The following ITFG1 variants were observed in gnomAD, a reference collection of about 807,000 sequenced individuals.
The protein encoded by ITFG1 is T-cell immunomodulatory protein.
Under a neutral mutation model 81.8 loss-of-function variants are expected in ITFG1, and 34 were observed. That is an observed-to-expected ratio of 0.42 (90% CI 0.32 to 0.55). The LOEUF (loss-of-function observed/expected upper bound fraction) is 0.55, where lower values mean the gene tolerates loss of function less well. Among genes scored for constraint, ITFG1 ranks in the 20% least tolerant of loss-of-function variants. ITFG1 has a pLI of 0.17. For synonymous variants in ITFG1, 285 were observed against 270.6 expected, an observed-to-expected ratio of 1.05 and a Z score of -0.52; for missense variants, 672 against 755.4, an observed-to-expected ratio of 0.89 and a Z score of 1.29.
At chr16:47,331,061 T>C (rs1377744034) in intron 8 of ITFG1, among the ~76,000 whole-genome samples, 3 of 152,020 alleles carry the variant, frequency 2.0e-5, no homozygotes, top group Admixed American at 2.0e-4. Context: ...AGCAAAGACA[T>C]GGAAACAATC....
chr16:47,163,091 C>T (rs1388576223), intron 14 of ITFG1, among the ~76,000 whole-genome samples: 2 of 151,750 alleles, frequency 1.3e-5, no homozygotes, highest in Non-Finnish European at 3.0e-5. Flanking sequence ...CGTGACCCAC[C>T]GTGCTCAGCC....
At chr16:47,403,601 A>G (rs1968689845) in intron 6 of ITFG1, among the ~76,000 whole-genome samples, 1 of 152,158 alleles carries the variant, frequency 6.6e-6, no homozygotes, top group Non-Finnish European at 1.5e-5. Flanking sequence ...TGCAATTACC[A>G]TTAATTGTCT....
chr16:47,202,717 A>AT (rs1387393455), intron 14 of ITFG1, among the ~76,000 whole-genome samples: 1 of 152,172 alleles, frequency 6.6e-6, no homozygotes, highest in African/African-American at 2.4e-5. Flanking sequence ...TTGAATAGAT[A>AT]TTTTTCCAAA....
chr16:47,184,858 A>T (rs1024331504), intron 14 of ITFG1, among the ~76,000 whole-genome samples: 3 of 152,208 alleles, frequency 2.0e-5, no homozygotes, highest in African/African-American at 7.2e-5. Flanking sequence ...GTCAAGACCC[A>T]TCAGTGTGCT....
At chr16:47,461,246 C>G (rs1969542477), upstream of ITFG1, 1 of 1,059,982 alleles carries the variant, frequency 9.4e-7, no homozygotes. Context: ...CCCTCACGCT[C>G]ACTTCCGGCA....
intron 8 of ITFG1, among the ~76,000 whole-genome samples, chr16:47,361,625 C>T (rs1968110307): frequency 6.6e-6 from 1 of 152,078 alleles, no homozygotes; most frequent in African/African-American, 2.4e-5. Flanking sequence ...AATATGAGAC[C>T]AGGGCCCAGA....
At chr16:47,244,974 T>A (rs913951856) in intron 12 of ITFG1, among the ~76,000 whole-genome samples, 3 of 152,094 alleles carry the variant, frequency 2.0e-5, no homozygotes, top group African/African-American at 7.2e-5. Context: ...GAGAAATAAA[T>A]TTCTGTTAAG....
intron 8 of ITFG1, among the ~76,000 whole-genome samples, chr16:47,364,812 G>A (rs1237603020): frequency 6.6e-6 from 1 of 152,176 alleles, no homozygotes; most frequent in African/African-American, 2.4e-5. Flanking sequence ...GCTGCATACA[G>A]AGCAGCAGAG....
At chr16:47,371,774 G>A (rs1968257217) in intron 7 of ITFG1, among the ~76,000 whole-genome samples, 1 of 152,094 alleles carries the variant, frequency 6.6e-6, no homozygotes, top group Non-Finnish European at 1.5e-5. Context: ...GTGAGAAGAG[G>A]TCAGGGACAC....
At chr16:47,199,498 GTAT>G (rs1258943873) in intron 14 of ITFG1, among the ~76,000 whole-genome samples, 1 of 152,010 alleles carries the variant, frequency 6.6e-6, no homozygotes, top group Non-Finnish European at 1.5e-5. Context: ...CTATGTTTAG[GTAT>G]CTTTACATAC....
At chr16:47,387,956 T>C (rs1319642518) in intron 6 of ITFG1, among the ~76,000 whole-genome samples, 1 of 151,370 alleles carries the variant, frequency 6.6e-6, no homozygotes, top group East Asian at 1.9e-4. Context: ...AAAAGGAAAT[T>C]ATGCTTAAAG....
At chr16:47,344,825 T>A (rs976607978) in intron 8 of ITFG1, among the ~76,000 whole-genome samples, 38 of 152,338 alleles carry the variant, frequency 2.5e-4, no homozygotes, top group African/African-American at 8.4e-4. Flanking sequence ...TGGGATGTTG[T>A]CTTTCTGTGC....
At chr16:47,289,377 G>C (rs961523202) in intron 10 of ITFG1, among the ~76,000 whole-genome samples, 1 of 152,148 alleles carries the variant, frequency 6.6e-6, no homozygotes, top group African/African-American at 2.4e-5. Flanking sequence ...TAATGAGTAT[G>C]CAAGAATTTC....
intron 8 of ITFG1, among the ~76,000 whole-genome samples, chr16:47,365,341 T>C (rs1457815103): frequency 6.6e-6 from 1 of 152,212 alleles, no homozygotes; most frequent in East Asian, 1.9e-4. Flanking sequence ...CAGAAATTCA[T>C]ATGTCCTCTT....
At chr16:47,338,939 T>A (rs999168245) in intron 8 of ITFG1, among the ~76,000 whole-genome samples, 2 of 152,196 alleles carry the variant, frequency 1.3e-5, no homozygotes, top group African/African-American at 4.8e-5. Context: ...ACATTAACCA[T>A]CGCCACTTCC....
In ITFG1 at chr16:47,191,556, A is replaced by C. The variant is rs28769352; in HGVS notation, c.1453+27312T>G. Among the ~76,000 whole-genome samples the C allele has an allele frequency of 3.7e-3, 568 of 152,186 alleles. 2 individuals are homozygous for C. Among genetic ancestry groups the C allele is most frequent in the African/African-American group, 0.013 (549 of 41,508 alleles). On this transcript the variant is annotated intron_variant, in intron 14 of 17. Coordinates refer to ENST00000320640, the MANE Select transcript of ITFG1 (RefSeq NM_030790.5). Reference sequence around the variant, plus strand: ...TTATTTCTAGCATTTTTTCCATCAGAGCTCTTAGCATATTAATCACAGGCT... The same window carrying C: ...TTATTTCTAGCATTTTTTCCATCAGCGCTCTTAGCATATTAATCACAGGCT...
At chr16:47,428,976 C>G (rs1414974685) in intron 5 of ITFG1, 78 bp from the exon 6 acceptor site, 4 of 775,896 alleles carry the variant, frequency 5.2e-6, no homozygotes, top group Non-Finnish European at 8.3e-6. Flanking sequence ...TCTCTGCATG[C>G]AAAACACTTA....
intron 5 of ITFG1, among the ~76,000 whole-genome samples, chr16:47,436,908 A>C (rs1490671737): frequency 6.6e-6 from 1 of 152,180 alleles, no homozygotes; most frequent in East Asian, 1.9e-4. Context: ...AAATAACTAT[A>C]AGCACCACTA....
At chr16:47,239,568 A>C (rs1965911325) in intron 12 of ITFG1, among the ~76,000 whole-genome samples, 1 of 152,204 alleles carries the variant, frequency 6.6e-6, no homozygotes, top group South Asian at 2.1e-4. Context: ...AAAAGGCACC[A>C]AGAAATAAAC....
Sources: gnomAD v4.1 joint callset for allele counts (sites outside exome capture counted in the v4.1 genomes callset) on GRCh38, gnomAD v4.1.1 for gene constraint, MANE v1.5 for transcripts, NCBI Gene and HGNC (gene_info 2026-07-23, HGNC 2026-07-21) for gene names.